The following CDH13 variants were observed in gnomAD, a reference collection of about 807,000 sequenced individuals.
CDH13 encodes the protein cadherin 13.
In CDH13, 24 loss-of-function variants were observed where a neutral mutation model predicts 63.8. The ratio of observed to expected loss-of-function variants is 0.38; its 90% CI spans 0.27 to 0.53. The LOEUF (loss-of-function observed/expected upper bound fraction) is 0.53. Ranked by LOEUF, CDH13 falls within the 20% of genes least tolerant of loss-of-function variation. The pLI is 0.85. For missense variants in CDH13, 1,049 were observed against 903.1 expected (o/e 1.16, Z -2.07); for synonymous variants, 503 against 355.3 (o/e 1.42, Z -4.67).
intron 8 of CDH13, among the ~76,000 whole-genome samples, chr16:83,607,642 G>A (rs1311628072): frequency 6.6e-6 from 1 of 152,098 alleles, no homozygotes; most frequent in African/African-American, 2.4e-5. Flanking sequence ...TAAAATTGCC[G>A]CTGATACATG....
At chr16:83,405,849 C>T (rs1338722888) in intron 6 of CDH13, among the ~76,000 whole-genome samples, 4 of 150,620 alleles carry the variant, frequency 2.7e-5, no homozygotes, top group African/African-American at 4.9e-5. Context: ...CCTCCCGGCT[C>T]TTCTCTCAGC....
At chr16:83,775,215 G>C (rs1197313097) in intron 11 of CDH13, among the ~76,000 whole-genome samples, 2 of 151,736 alleles carry the variant, frequency 1.3e-5, no homozygotes, top group African/African-American at 4.8e-5. Context: ...ACAATGAATT[G>C]GCCTCAGATC....
At chr16:82,783,104 T>C (rs1421306682) in intron 1 of CDH13, among the ~76,000 whole-genome samples, 1 of 152,164 alleles carries the variant, frequency 6.6e-6, no homozygotes, top group Non-Finnish European at 1.5e-5. Flanking sequence ...TGAGCAAACG[T>C]TCCATTCCGT....
chr16:82,984,126 C>G (rs2151390359), intron 2 of CDH13, among the ~76,000 whole-genome samples: 1 of 152,266 alleles, frequency 6.6e-6, no homozygotes, highest in South Asian at 2.1e-4. Flanking sequence ...TAAACACACC[C>G]CAAATATTCT....
chr16:83,319,375 T>C (rs1463571723), intron 5 of CDH13, among the ~76,000 whole-genome samples: 2 of 152,212 alleles, frequency 1.3e-5, no homozygotes, highest in Non-Finnish European at 2.9e-5. Context: ...CTGTTTGAGA[T>C]GCAGACACCT....
At chr16:83,449,169 C>T (rs1188259146) in intron 6 of CDH13, among the ~76,000 whole-genome samples, 1 of 152,150 alleles carries the variant, frequency 6.6e-6, no homozygotes, top group Non-Finnish European at 1.5e-5. Context: ...GGATGGAATT[C>T]GTTGCCACAA....
In CDH13 at chr16:83,775,669, G is replaced by A. The variant is rs191746482; in HGVS notation, c.1682-4299G>A. On this transcript the variant is annotated intron_variant, in intron 11 of 13. Transcript: ENST00000567109. ...GAGTGGTGGCTTATGAGCCAAGATCGTGCCACACTGCACTGCAGCCTGGGA... is the reference window on the plus strand; with the variant it reads ...GAGTGGTGGCTTATGAGCCAAGATCATGCCACACTGCACTGCAGCCTGGGA... Among the ~76,000 whole-genome samples, 850 of 151,886 alleles carry A rather than the reference G, an allele frequency of 5.6e-3. 9 individuals carry two copies. Among genetic ancestry groups the A allele is most frequent in the Non-Finnish European group, 8.0e-3 (546 of 67,946 alleles).
chr16:83,458,188 C>G (rs1430663885), intron 6 of CDH13, among the ~76,000 whole-genome samples: 2 of 152,166 alleles, frequency 1.3e-5, no homozygotes, highest in African/African-American at 2.4e-5. Flanking sequence ...ATCCAGGATC[C>G]CAGGCTGGCT....
intron 2 of CDH13, among the ~76,000 whole-genome samples, chr16:83,000,220 CTTATTTTTTTTTTTTTTTTT>C (rs1567731456): frequency 2.4e-4 from 8 of 33,944 alleles, no homozygotes; most frequent in African/African-American, 6.2e-4. Context: ...ACAGGTTTAG[CTTATTTTTTTTTTTTTTTTT>C]TTTTTTTTTT....
intron 4 of CDH13, among the ~76,000 whole-genome samples, chr16:83,156,120 G>T (rs1435101077): frequency 2.0e-5 from 3 of 152,204 alleles, no homozygotes; most frequent in Non-Finnish European, 2.9e-5. Context: ...CAGTACTAAA[G>T]CTTCTTCAGC....
intron 6 of CDH13, among the ~76,000 whole-genome samples, chr16:83,431,819 C>T (rs1157926109): frequency 1.3e-5 from 2 of 152,174 alleles, no homozygotes; most frequent in South Asian, 2.1e-4. Flanking sequence ...CGCCTCCCGC[C>T]AGGCCCCACC....
At chr16:83,190,108 G>C (rs953035623) in intron 4 of CDH13, among the ~76,000 whole-genome samples, 1 of 152,164 alleles carries the variant, frequency 6.6e-6, no homozygotes. Context: ...CGTGAGAACA[G>C]ACTAATACAC....
At chr16:83,330,299 C>G (rs529928354) in intron 5 of CDH13, among the ~76,000 whole-genome samples, 42 of 152,310 alleles carry the variant, frequency 2.8e-4, no homozygotes, top group African/African-American at 9.1e-4. Context: ...GCTTGTGATA[C>G]TGTCCTATAG....
chr16:82,651,071 C>T (rs1910666667), intron 1 of CDH13, among the ~76,000 whole-genome samples: 1 of 152,160 alleles, frequency 6.6e-6, no homozygotes, highest in South Asian at 2.1e-4. Context: ...GGGAGGAGAA[C>T]CCTGAGAAAG....
At chr16:82,681,988 C>G in intron 1 of CDH13, among the ~76,000 whole-genome samples, 1 of 152,220 alleles carries the variant, frequency 6.6e-6, no homozygotes, top group South Asian at 2.1e-4. Context: ...CTCTTCCCTC[C>G]TGGTTTCTCC....
intron 4 of CDH13, among the ~76,000 whole-genome samples, chr16:83,212,221 C>G (rs1049001484): frequency 6.6e-6 from 1 of 152,104 alleles, no homozygotes; most frequent in South Asian, 2.1e-4. Context: ...TGAAGCATGG[C>G]TGAGTGTATC....
chr16:82,767,847 C>T lies in CDH13; in HGVS notation c.46-90515C>T, dbSNP rs138873827. ...AGGAAGAGTTAGGTGGGAGCACTGG[C>T]ACTGAGGGTCCATGTGCTCACTTAG... is the stretch of plus-strand genomic sequence containing the variant. On this transcript the variant is annotated intron_variant, in intron 1 of 13. Transcript: ENST00000567109. 1.8e-3 allele frequency among the ~76,000 whole-genome samples: 281 copies of T among 152,300 alleles called. 1 individual carries two copies. The highest frequency in any genetic ancestry group is 6.3e-3 in the African/African-American group (261 of 41,558).
rs537483891 is a variant in CDH13, at chr16:83,549,388, C to T, written c.961-53066C>T. The stretch of plus-strand genomic sequence containing the variant: ...GTTTCAGAAGAAAGTACCACATCAG[C>T]GTTTTGAACAAATTAAGTTGTGTGC... On this transcript the variant is annotated intron_variant, in intron 7 of 13. Transcript: ENST00000567109. 1.6e-4 allele frequency among the ~76,000 whole-genome samples: 25 copies of T among 152,248 alleles called. No individual in the cohort carries two copies. In the South Asian group the frequency reaches 2.9e-3, roughly 18 times the overall value.
chr16:83,017,609 T>C (rs916384164), intron 2 of CDH13, among the ~76,000 whole-genome samples: 1 of 152,220 alleles, frequency 6.6e-6, no homozygotes, highest in African/African-American at 2.4e-5. Flanking sequence ...TTATCAAGTA[T>C]TTAGTCCACG....
Sources: allele counts gnomAD v4.1 joint callset (sites outside exome capture counted in the v4.1 genomes callset), GRCh38; gene constraint gnomAD v4.1.1; transcripts MANE v1.5; gene names NCBI Gene and HGNC (gene_info 2026-07-23, HGNC 2026-07-21).